The following COBL variants were observed in gnomAD, a reference collection of about 807,000 sequenced individuals.
The protein encoded by COBL is cordon-bleu WH2 repeat protein, also known as protein cordon-bleu.
A neutral mutation model predicts 98.8 loss-of-function variants in COBL; 51 were observed. The ratio of observed to expected loss-of-function variants is 0.52; its 90% confidence interval spans 0.41 to 0.65. The LOEUF (loss-of-function observed/expected upper bound fraction) is 0.65. Among genes scored for constraint, COBL ranks in the 30% least tolerant of loss-of-function variants. The pLI, the probability that COBL is intolerant of heterozygous loss-of-function variation, is 0.00. For missense variants in COBL, 1,617 were observed against 1,617.5 expected, an observed-to-expected ratio of 1.00 and a Z score of 0.01; for synonymous variants, 634 against 651.7, an observed-to-expected ratio of 0.97 and a Z score of 0.41.
intron 5 of COBL, among the ~76,000 whole-genome samples, chr7:51,183,157 C>T (rs766545471): frequency 1.4e-4 from 21 of 152,124 alleles, no homozygotes; most frequent in Non-Finnish European, 2.8e-4. Flanking sequence ...ATCAGGTGTC[C>T]GGCCTTGGGC....
rs57660073 is a variant in COBL at position 51,058,554 on chromosome 7, AAACAAC to A, written c.1097-14868_1097-14863del. Among the ~76,000 whole-genome samples the A allele has an allele frequency of 8.1e-3, 1,211 of 150,164 alleles. 13 individuals carry two copies. The highest frequency in any genetic ancestry group is 0.028 in the African/African-American group (1,141 of 40,742). On this transcript the variant is annotated intron_variant, in intron 7 of 12. Coordinates refer to ENST00000265136, the MANE Select transcript of COBL (RefSeq NM_015198.5). ...GGTGACAGAGCAAGACCATGTCTCA[AAACAAC>A]AACAACAACAACAACAACAACAACA...
At chr7:51,281,842 G>A (rs1799844793) in intron 1 of COBL, among the ~76,000 whole-genome samples, 1 of 152,090 alleles carries the variant, frequency 6.6e-6, no homozygotes, top group South Asian at 2.1e-4. Context: ...ACATGAGGAG[G>A]AACAGACATG....
At position 51,316,525 on chromosome 7, in the gene COBL, G is replaced by A; in HGVS notation, c.41+68C>T. The A allele has an allele frequency of 5.2e-6, 6 of 1,144,004 alleles. 1 individual carries two copies. In the South Asian group the frequency reaches 1.9e-4, roughly 36 times the overall value. The allele number at this position is 1,144,004 out of a possible 1,614,324, so 70.9% of individuals were successfully genotyped here. A position where few individuals can be genotyped will look rare whatever the true frequency, so the allele number is the denominator to read the frequency against. On this transcript the variant is annotated intron_variant, in intron 1 of 12. Coordinates refer to ENST00000265136, the MANE Select transcript of COBL (RefSeq NM_015198.5). ...AGGGCGCCCTGCCCGGGAGCGCGCG[G>A]TGCGGACGCGGGCGTCCGAGCCCAG...
At position 51,029,611 on chromosome 7, in the gene COBL, C is replaced by A. The variant is rs1343457430; in HGVS notation, c.1505-20G>T. On this transcript the variant is annotated intron_variant, in intron 9 of 12. Coordinates refer to ENST00000265136, the MANE Select transcript of COBL (RefSeq NM_015198.5). Reference sequence around the variant, plus strand: ...CCATTTCTGCAAAGAGGGACAAACACAAATCACAGATGTTTCCCACACCAA... The same window carrying A: ...CCATTTCTGCAAAGAGGGACAAACAAAAATCACAGATGTTTCCCACACCAA... 2.6e-6 allele frequency: 4 copies of A among 1,565,340 alleles called. No individual in the cohort carries two copies. The highest frequency in any genetic ancestry group is 2.6e-6 in the Non-Finnish European group (3 of 1,150,492).
intron 1 of COBL, among the ~76,000 whole-genome samples, chr7:51,265,032 T>C (rs1010248683): frequency 1.3e-5 from 2 of 152,154 alleles, no homozygotes; most frequent in African/African-American, 2.4e-5. Context: ...ACGTTTCCAA[T>C]GTGAAGGCCT....
At chr7:51,233,685 A>G (rs557582187) in intron 1 of COBL, among the ~76,000 whole-genome samples, 22 of 152,338 alleles carry the variant, frequency 1.4e-4, no homozygotes, top group African/African-American at 5.1e-4. Flanking sequence ...ACGGACTGTG[A>G]GAATTTCTCA....
Position 51,184,213 on chromosome 7 carries a change from G to T in COBL, c.686-14C>A. ...TCCTAAAGGTTTCTGGAAAAAAAAAGCACTAAGTTATTTTTCAGCATCTGA... is the reference window on the plus strand; with the variant it reads ...TCCTAAAGGTTTCTGGAAAAAAAAATCACTAAGTTATTTTTCAGCATCTGA... On this transcript the variant is annotated splice_polypyrimidine_tract_variant and intron_variant, in intron 4 of 12. Transcript: ENST00000265136. 1 of 1,400,152 alleles carries T rather than the reference G, an allele frequency of 7.1e-7. No homozygotes were observed. 86.7% of individuals were successfully genotyped at this position (1,400,152 alleles called of 1,614,324 possible). A position where few individuals can be genotyped will look rare whatever the true frequency, so the allele number is the denominator to read the frequency against.
chr7:51,218,998 C>T (rs1295399869), intron 2 of COBL, among the ~76,000 whole-genome samples: 1 of 152,128 alleles, frequency 6.6e-6, no homozygotes, highest in African/African-American at 2.4e-5. Context: ...GTAAGAATAG[C>T]ACAAAACTAT....
At chr7:51,066,940 T>C (rs1365087004) in intron 7 of COBL, among the ~76,000 whole-genome samples, 1 of 152,248 alleles carries the variant, frequency 6.6e-6, no homozygotes, top group Non-Finnish European at 1.5e-5. Context: ...AGACTATTCA[T>C]TTAAACAACT....
chr7:51,117,083 C>G (rs889501812), intron 6 of COBL, among the ~76,000 whole-genome samples: 1 of 125,664 alleles, frequency 8.0e-6, no homozygotes. Context: ...TCCCTCCCCC[C>G]TCCCCCTGCA....
At chr7:51,268,200 T>C (rs1369723750) in intron 1 of COBL, among the ~76,000 whole-genome samples, 1 of 152,190 alleles carries the variant, frequency 6.6e-6, no homozygotes, top group African/African-American at 2.4e-5. Context: ...AAGGCAAATA[T>C]GTAACAAGGA....
intron 1 of COBL, among the ~76,000 whole-genome samples, chr7:51,278,067 C>T (rs537956318): frequency 1.3e-5 from 2 of 152,316 alleles, no homozygotes; most frequent in East Asian, 3.9e-4. Context: ...ACAATCATCT[C>T]TCTGAATCAT....
At position 51,158,405 on chromosome 7, in the gene COBL, G is replaced by A. The variant is rs567322572; in HGVS notation, c.784-22074C>T. 7.6e-4 allele frequency among the ~76,000 whole-genome samples: 115 copies of A among 152,244 alleles called. 2 individuals are homozygous for A. The South Asian group carries it at 0.023, about 31-fold the overall frequency. On this transcript the variant is annotated intron_variant, in intron 5 of 12. Transcript: ENST00000265136. ...CGGGGAGGAGCCTCCTCACTCACAC[G>A]CGTCCACAGCCTGTAACCATCGCTC... is the stretch of plus-strand genomic sequence containing the variant.
intron 6 of COBL, among the ~76,000 whole-genome samples, chr7:51,112,038 C>T (rs1796875151): frequency 6.6e-6 from 1 of 152,176 alleles, no homozygotes; most frequent in Non-Finnish European, 1.5e-5. Context: ...ACGGGGACCA[C>T]TAAGAACAAG....
In COBL at chr7:51,219,819, T is replaced by TC; in HGVS notation, c.166dup (p.Glu56GlyfsTer16). 2 of 1,614,048 alleles carry TC rather than the reference T, an allele frequency of 1.2e-6. No homozygotes were observed. Among genetic ancestry groups the TC allele is most frequent in the Non-Finnish European group, 1.7e-6 (2 of 1,180,024 alleles). The stretch of plus-strand genomic sequence containing the variant: ...GTCCATGGTGCTGGCCCTCAGCGCC[T>TC]CCTTCATGCGAACCAAGTTCTGCTG... On this transcript the variant is annotated frameshift_variant, in exon 2 of 13. Transcript: ENST00000265136. LOFTEE classifies it high-confidence loss of function.
At chr7:51,248,292 T>C (rs1796436167) in intron 1 of COBL, among the ~76,000 whole-genome samples, 1 of 152,200 alleles carries the variant, frequency 6.6e-6, no homozygotes, top group African/African-American at 2.4e-5. Flanking sequence ...CTCGTTGATT[T>C]AGAATATGAA....
intron 1 of COBL, among the ~76,000 whole-genome samples, chr7:51,310,490 G>A (rs79198541): frequency 6.6e-5 from 10 of 152,256 alleles, no homozygotes; most frequent in Middle Eastern, 3.4e-3. Context: ...TCTGGCCCTC[G>A]GCAGCCTCTG....
At chr7:51,259,700 C>T in intron 1 of COBL, 1 of 739,424 alleles carries the variant, frequency 1.4e-6, no homozygotes, top group Non-Finnish European at 2.5e-6. Flanking sequence ...GACCTTGGCT[C>T]ATCCACATTT....
At chr7:51,036,188 A>G (rs1041052112) in intron 8 of COBL, among the ~76,000 whole-genome samples, 1 of 152,086 alleles carries the variant, frequency 6.6e-6, no homozygotes, top group African/African-American at 2.4e-5. Flanking sequence ...CTAAAAATAC[A>G]AAAATTAGCA....
Sources: gnomAD v4.1 joint callset for allele counts (sites outside exome capture counted in the v4.1 genomes callset) on GRCh38, gnomAD v4.1.1 for gene constraint, MANE v1.5 for transcripts, NCBI Gene and HGNC (gene_info 2026-07-23, HGNC 2026-07-21) for gene names.